Variants in MEI1 observed in about 807,000 individuals in gnomAD.
MEI1 encodes the protein meiosis inhibitor protein 1.
A neutral mutation model predicts 146.2 loss-of-function variants in MEI1; 103 were observed. The ratio of observed to expected loss-of-function variants is 0.70; its 90% CI spans 0.60 to 0.83. The LOEUF is 0.83. Among genes scored for constraint, MEI1 ranks in the 40% least tolerant of loss-of-function variants. MEI1 has a pLI of 0.00. For synonymous variants in MEI1, 652 were observed against 628.2 expected (o/e 1.04, Z -0.57); for missense variants, 1,529 against 1,533.0 (o/e 1.00, Z 0.04).
At chr22:41,720,556 G>T (rs9607834) in intron 6 of MEI1, among the ~76,000 whole-genome samples, 26,800 of 150,864 alleles carry the variant, frequency 0.18, 7,345 homozygotes, top group African/African-American at 0.59. Context: ...TCAGCCTACC[G>T]AGTAGCTGGG....
chr22:41,763,591 T>A (rs577417925), intron 19 of MEI1, among the ~76,000 whole-genome samples: 1 of 152,102 alleles, frequency 6.6e-6, no homozygotes, highest in Non-Finnish European at 1.5e-5. Flanking sequence ...GGCTCACGTC[T>A]ATAATCCCAG....
At position 41,799,349 on chromosome 22, in the gene MEI1, C is replaced by CA. The variant is rs749663310; in HGVS notation, c.*53dup. On this transcript the variant is annotated 3_prime_UTR_variant, in exon 31 of 31. Transcript: ENST00000401548. ...GTGGAGAGAGAATGAGACCTGGAGA[C>CA]AAAGGGCATAATTGTTGGGGAAATG... is the stretch of plus-strand genomic sequence containing the variant. The CA allele has an allele frequency of 2.6e-6, 4 of 1,563,678 alleles. No homozygotes were observed. The East Asian group carries it at 9.0e-5, about 35-fold the overall frequency.
chr22:41,763,030 C>T, intron 18 of MEI1, 144 bp from the exon 19 acceptor site: 1 of 796,860 alleles, frequency 1.3e-6, no homozygotes. Flanking sequence ...GTATGTATAG[C>T]ACACTGTTTG....
chr22:41,742,189 GAT>G, intron 11 of MEI1, among the ~76,000 whole-genome samples: 4 of 152,214 alleles, frequency 2.6e-5, no homozygotes, highest in African/African-American at 7.2e-5. Flanking sequence ...GGATCTGGGA[GAT>G]GGAGGTTGCA....
Position 41,699,642 on chromosome 22 carries a change from G to A in MEI1, c.104G>A (p.Trp35Ter). 6.2e-7 allele frequency: 1 copy of A among 1,602,580 alleles called. No individual in the cohort carries two copies. Among genetic ancestry groups the A allele is most frequent in the Non-Finnish European group, 8.5e-7 (1 of 1,174,994 alleles). ...ERAHYRHDPR[W>*]LLPVTPRLCL... ...GCCCATTACCGGCACGACCCGCGCT[G>A]GCTGCTGCCCGTGACCCCCCGCCTG... The change falls in exon 1 of 31, where the codon TGG (tryptophan) becomes TAG (stop). Residue 35 changes from tryptophan to a stop codon, truncating the protein, a stop_gained. Transcript: ENST00000401548. LOFTEE classifies it high-confidence loss of function.
chr22:41,749,177 A>G (rs74806825), intron 15 of MEI1, among the ~76,000 whole-genome samples: 5,286 of 152,182 alleles, frequency 0.035, 323 homozygotes, highest in African/African-American at 0.12. Flanking sequence ...TTCTTGTCAC[A>G]TGGCATGCAA....
chr22:41,781,646 T>C, intron 23 of MEI1, 39 bp from the exon 24 acceptor site: 1 of 1,602,606 alleles, frequency 6.2e-7, no homozygotes, highest in Non-Finnish European at 8.5e-7. Flanking sequence ...GAAGCTCCTC[T>C]GTAACTCCTG....
chr22:41,785,568 T>C (rs1471789060), intron 26 of MEI1, among the ~76,000 whole-genome samples: 2 of 151,500 alleles, frequency 1.3e-5, no homozygotes, highest in Non-Finnish European at 2.9e-5. Flanking sequence ...GGCCTATTTA[T>C]TTATTTGTTT....
intron 11 of MEI1, among the ~76,000 whole-genome samples, chr22:41,741,360 T>G (rs2072854455): frequency 6.6e-6 from 1 of 152,226 alleles, no homozygotes; most frequent in South Asian, 2.1e-4. Context: ...GAAATAGTCA[T>G]TCATTCATTT....
intron 6 of MEI1, among the ~76,000 whole-genome samples, chr22:41,719,602 A>G (rs1294839116): frequency 6.6e-6 from 1 of 151,994 alleles, no homozygotes; most frequent in Non-Finnish European, 1.5e-5. Context: ...TGACCCAAAC[A>G]CCACCCGTAG....
intron 24 of MEI1, 150 bp downstream of exon 24, chr22:41,781,995 C>G (rs757611474): frequency 7.3e-5 from 61 of 835,506 alleles, no homozygotes; most frequent in Non-Finnish European, 1.0e-4. Flanking sequence ...TCCTTTCCTA[C>G]AAAATGGGGA....
intron 12 of MEI1, among the ~76,000 whole-genome samples, chr22:41,743,802 TTC>T (rs1199343509): frequency 2.0e-5 from 3 of 152,202 alleles, no homozygotes; most frequent in African/African-American, 7.2e-5. Context: ...TGTGACAGCT[TTC>T]TGCATATAAT....
Position 41,778,800 on chromosome 22 carries a change from C to G in MEI1, c.2803C>G (p.Leu935Val). The change falls in exon 22 of 31, where the codon CTC becomes GTC. Residue 935 changes from leucine (L) to valine (V), a missense_variant. Around this residue, in one of 3 missense-constraint regions of MEI1, gnomAD observed 1,212 missense variants for 1,178.9 expected, o/e 1.03. Coordinates refer to ENST00000401548, the MANE Select transcript of MEI1 (RefSeq NM_152513.4). ...AGAACTGGACAGCGTGGCCATGAAG[C>G]TCCTTCACCAAGGTGCCCTGGCTGC... ...EQELDSVAMK[L>V]LHQVSKLCGK... The G allele has an allele frequency of 6.2e-7, 1 of 1,603,352 alleles. No individual in the cohort carries two copies. The highest frequency in any genetic ancestry group is 1.1e-5 in the South Asian group (1 of 88,804).
In MEI1 at chr22:41,729,717, C is replaced by T. The variant is rs1395574023; in HGVS notation, c.917C>T (p.Thr306Ile). 6.2e-7 allele frequency: 1 copy of T among 1,612,338 alleles called. No individual in the cohort carries two copies. The highest frequency in any genetic ancestry group is 1.3e-5 in the African/African-American group (1 of 74,910). The change falls in exon 8 of 31, where the codon ACT (threonine) becomes ATT (isoleucine). Residue 306 changes from threonine (T) to isoleucine (I), a missense_variant. Transcript: ENST00000401548. Reference sequence around the variant, plus strand: ...CAGGTGGCCAGTGCTCACTGTATAACTGCGGTGCTTGTCCACTCCCCAGCA... The same window carrying T: ...CAGGTGGCCAGTGCTCACTGTATAATTGCGGTGCTTGTCCACTCCCCAGCA... ...TLQVASAHCI[T>I]AVLVHSPAKH... is the part of the protein sequence containing the mutation.
At chr22:41,730,489 A>G (rs760598720) in intron 8 of MEI1, 32 bp from the exon 9 acceptor site, 1 of 1,466,404 alleles carries the variant, frequency 6.8e-7, no homozygotes, top group Admixed American at 1.7e-5. Context: ...CATGGCTGTC[A>G]TTTATTGTTT....
At chr22:41,743,945 C>T (rs963105750) in intron 12 of MEI1, among the ~76,000 whole-genome samples, 14 of 151,454 alleles carry the variant, frequency 9.2e-5, no homozygotes, top group Admixed American at 7.9e-4. Context: ...GGCACGATCT[C>T]GACTCACTGC....
At chr22:41,720,595 C>CA (rs1301571926) in intron 6 of MEI1, among the ~76,000 whole-genome samples, 9 of 86,376 alleles carry the variant, frequency 1.0e-4, no homozygotes, top group Non-Finnish European at 1.8e-4. Flanking sequence ...ATGCCTGGCT[C>CA]AATTTTTTTT....
rs200470322 is a variant in MEI1, at chr22:41,699,569, A to G, written c.31A>G (p.Thr11Ala). 397 of 1,611,902 alleles carry G rather than the reference A, an allele frequency of 2.5e-4. 3 individuals are homozygous for G. In the Admixed American group the frequency reaches 6.2e-3, roughly 25 times the overall value. MAVRQAATAG[T>A]PGPRREEEAA... ...TGTGAGGCAGGCGGCGACGGCGGGC[A>G]CTCCCGGGCCCAGGAGAGAGGAAGA... The change falls in exon 1 of 31, where the codon ACT (threonine) becomes GCT (alanine). Residue 11 changes from threonine (T) to alanine (A), a missense_variant. Physicochemically the swap from Thr to Ala is moderately conservative, Grantham distance 58. Transcript: ENST00000401548.
chr22:41,760,740 A>C (rs1376458839), intron 18 of MEI1, among the ~76,000 whole-genome samples: 2 of 152,220 alleles, frequency 1.3e-5, no homozygotes, highest in Non-Finnish European at 1.5e-5. Context: ...GATTTGAGCA[A>C]GCAAGGGGTA....
Sources: allele counts gnomAD v4.1 joint callset (sites outside exome capture counted in the v4.1 genomes callset), GRCh38; gene constraint gnomAD v4.1.1; regional missense constraint gnomAD v4.1.1; transcripts MANE v1.5; gene names NCBI Gene and HGNC (gene_info 2026-07-23, HGNC 2026-07-21).